KAZN: variants seen among roughly 807,000 people sequenced by gnomAD.
The protein encoded by KAZN is kazrin, periplakin interacting protein.
A neutral mutation model predicts 87.4 loss-of-function variants in KAZN; 40 were observed. The ratio of observed to expected loss-of-function variants is 0.46; its 90% CI spans 0.36 to 0.60. The LOEUF is 0.60. Among genes scored for constraint, KAZN ranks in the 20% least tolerant of loss-of-function variants. KAZN has a pLI of 0.00. For missense variants in KAZN, 898 were observed against 1,073.9 expected, an observed-to-expected ratio of 0.84 and a Z score of 2.29; for synonymous variants, 466 against 458.3, an observed-to-expected ratio of 1.02 and a Z score of -0.22.
At chr1:14,880,246 A>G (rs1356178152) in intron 1 of KAZN, among the ~76,000 whole-genome samples, 1 of 152,160 alleles carries the variant, frequency 6.6e-6, no homozygotes, top group Non-Finnish European at 1.5e-5. Flanking sequence ...ACATTATCCC[A>G]CACGGTGCCT....
intron 2 of KAZN, among the ~76,000 whole-genome samples, chr1:14,255,081 C>G: frequency 7.2e-6 from 1 of 139,712 alleles, no homozygotes; most frequent in Non-Finnish European, 1.5e-5. Flanking sequence ...GATTGCGCCA[C>G]TGCACTCCAG....
chr1:14,421,807 C>T (rs1571607592), intron 2 of KAZN, among the ~76,000 whole-genome samples: 1 of 152,112 alleles, frequency 6.6e-6, no homozygotes, highest in African/African-American at 2.4e-5. Context: ...CTTTCAAAAC[C>T]CTGACATAGG....
chr1:13,951,884 C>T (rs931248480), intron 1 of KAZN, among the ~76,000 whole-genome samples: 2 of 152,082 alleles, frequency 1.3e-5, no homozygotes, highest in Non-Finnish European at 2.9e-5. Flanking sequence ...AAGGTATGAC[C>T]CACAGTGCTG....
intron 1 of KAZN, among the ~76,000 whole-genome samples, chr1:14,865,833 G>T (rs1199864284): frequency 1.3e-5 from 2 of 152,180 alleles, no homozygotes; most frequent in Non-Finnish European, 2.9e-5. Flanking sequence ...AGGCCACGTG[G>T]ATACACAGGG....
At chr1:14,392,476 C>A (rs1315539417) in intron 2 of KAZN, among the ~76,000 whole-genome samples, 1 of 152,100 alleles carries the variant, frequency 6.6e-6, no homozygotes, top group Non-Finnish European at 1.5e-5. Context: ...CGATTGCACA[C>A]CAGACCCTGT....
intron 1 of KAZN, among the ~76,000 whole-genome samples, chr1:14,106,294 A>G (rs951233261): frequency 2.0e-5 from 3 of 152,186 alleles, no homozygotes; most frequent in Admixed American, 6.5e-5. Context: ...TGTCTCCACA[A>G]TCCCCAGGTG....
chr1:14,645,168 T>G (rs1680718736), intron 1 of KAZN, among the ~76,000 whole-genome samples: 1 of 152,202 alleles, frequency 6.6e-6, no homozygotes, highest in African/African-American at 2.4e-5. Flanking sequence ...GTGTACCTGT[T>G]TTTGTACCAG....
At chr1:15,023,415 C>T (rs1023503444) in intron 2 of KAZN, among the ~76,000 whole-genome samples, 3 of 151,936 alleles carry the variant, frequency 2.0e-5, no homozygotes, top group African/African-American at 4.8e-5. Context: ...AAGTGAGACA[C>T]GTGGGTAGGA....
At chr1:14,272,298 C>T (rs547525884) in intron 2 of KAZN, among the ~76,000 whole-genome samples, 102 of 152,262 alleles carry the variant, frequency 6.7e-4, no homozygotes, top group African/African-American at 2.4e-3. Flanking sequence ...TATTCTCCTC[C>T]TGGCGATGGC....
chr1:14,648,589 C>A (rs562940673), intron 1 of KAZN, among the ~76,000 whole-genome samples: 132 of 152,204 alleles, frequency 8.7e-4, no homozygotes, highest in Non-Finnish European at 1.5e-3. Context: ...CTGGGCTTGA[C>A]GTTTCTCCTT....
intron 2 of KAZN, among the ~76,000 whole-genome samples, chr1:14,962,208 TG>T (rs1663958943): frequency 6.6e-6 from 1 of 152,194 alleles, no homozygotes; most frequent in Admixed American, 6.5e-5. Flanking sequence ...CCAGAAAGCC[TG>T]GGAAGTCCTC....
At chr1:14,319,950 T>C (rs1655935103) in intron 2 of KAZN, among the ~76,000 whole-genome samples, 3 of 152,156 alleles carry the variant, frequency 2.0e-5, no homozygotes, top group South Asian at 2.1e-4. Flanking sequence ...CTGTAACTTA[T>C]GTGTAGATTT....
intron 2 of KAZN, among the ~76,000 whole-genome samples, chr1:14,523,662 C>T (rs1324569227): frequency 6.6e-6 from 1 of 152,190 alleles, no homozygotes; most frequent in East Asian, 1.9e-4. Flanking sequence ...TTTGTACATT[C>T]CAGCTGCCTT....
Position 14,735,854 on chromosome 1 carries a change from T to C in KAZN, c.226+136631T>C, listed in dbSNP as rs1278054932. On this transcript the variant is annotated intron_variant, in intron 1 of 14. Transcript: ENST00000376030. The surrounding 1 kb of genome is among the most constrained non-coding windows in gnomAD (Gnocchi z 4.3). ...AAATAGCCACTTAATCCCCAGAGCC[T>C]TTGTGATTTGTAAGTTTCAGGCTTG... Among the ~76,000 whole-genome samples the C allele has an allele frequency of 6.6e-6, 1 of 152,194 alleles. No homozygotes were observed. The highest frequency in any genetic ancestry group is 1.5e-5 in the Non-Finnish European group (1 of 68,028).
chr1:14,003,663 A>G (rs1639912339), intron 1 of KAZN, among the ~76,000 whole-genome samples: 1 of 152,204 alleles, frequency 6.6e-6, no homozygotes, highest in African/African-American at 2.4e-5. Context: ...TGCCAAGTTA[A>G]CTGGCTATTT....
At chr1:14,671,689 C>A (rs1639927533) in intron 1 of KAZN, among the ~76,000 whole-genome samples, 1 of 152,094 alleles carries the variant, frequency 6.6e-6, no homozygotes, top group Non-Finnish European at 1.5e-5. Flanking sequence ...ATGATGCCAG[C>A]AAAGGAATCT....
rs1172122632 is a variant in KAZN, at chr1:14,949,965, G to A, written c.227-10719G>A. 2.0e-5 allele frequency among the ~76,000 whole-genome samples: 3 copies of A among 152,142 alleles called. No individual in the cohort carries two copies. In the East Asian group the frequency reaches 5.8e-4, roughly 29 times the overall value. ...CTAAAGGTGTGTTTACAGGCCAGCG[G>A]CTTCACCGGAAGAGCCTCTGCACGG... On this transcript the variant is annotated intron_variant, in intron 1 of 14. Transcript: ENST00000376030. The surrounding 1 kb of genome is among the most constrained non-coding windows in gnomAD (Gnocchi z 4.3).
Position 15,025,397 on chromosome 1 carries a change from G to A in KAZN, c.419-9352G>A, listed in dbSNP as rs138751930. Among the ~76,000 whole-genome samples, 377 of 152,238 alleles carry A rather than the reference G, an allele frequency of 2.5e-3. 1 individual carries two copies. The highest frequency in any genetic ancestry group is 3.7e-3 in the South Asian group (18 of 4,818). ...GCCCTTGGTTCCATGGAGTATGCTG[G>A]TAATTGGCACAGCGCTGACCAGAAT... On this transcript the variant is annotated intron_variant, in intron 2 of 14. Transcript: ENST00000376030.
intron 1 of KAZN, among the ~76,000 whole-genome samples, chr1:14,027,560 C>T (rs1457821989): frequency 6.6e-6 from 1 of 152,138 alleles, no homozygotes; most frequent in Non-Finnish European, 1.5e-5. Context: ...GTTGCAATAG[C>T]TTCTAGCAAA....
Sources: allele counts gnomAD v4.1 joint callset (sites outside exome capture counted in the v4.1 genomes callset), GRCh38; gene constraint gnomAD v4.1.1; non-coding constraint Gnocchi (gnomAD v3.1); transcripts MANE v1.5; gene names NCBI Gene and HGNC (gene_info 2026-07-23, HGNC 2026-07-21).